The following TMPRSS15 variants were observed in gnomAD, a reference collection of about 807,000 sequenced individuals.
TMPRSS15 encodes the protein transmembrane serine protease 15.
In TMPRSS15, 128 loss-of-function variants were observed where a neutral mutation model predicts 125.3. That is an observed-to-expected ratio of 1.02 (90% CI 0.89 to 1.18). The LOEUF (loss-of-function observed/expected upper bound fraction) is 1.18, where lower values mean the gene tolerates loss of function less well. TMPRSS15 is among the 50% of genes most tolerant of loss of function. TMPRSS15 has a pLI of 0.00. For missense variants in TMPRSS15, 1,283 were observed against 1,212.7 expected, an observed-to-expected ratio of 1.06 and a Z score of -0.86; for synonymous variants, 446 against 423.2, an observed-to-expected ratio of 1.05 and a Z score of -0.66.
chr21:18,473,643 G>A (rs1978821519), intron 1 of TMPRSS15, among the ~76,000 whole-genome samples: 1 of 152,022 alleles, frequency 6.6e-6, no homozygotes, highest in Non-Finnish European at 1.5e-5. Context: ...GATTCTTATA[G>A]CAGCTCTAGG....
intron 1 of TMPRSS15, among the ~76,000 whole-genome samples, chr21:18,465,439 G>A (rs9974525): frequency 6.6e-6 from 1 of 152,002 alleles, no homozygotes; most frequent in Non-Finnish European, 1.5e-5. Flanking sequence ...AGGAATAAAG[G>A]GTATTCAAAT....
At chr21:18,277,912 C>T (rs539274296) in intron 23 of TMPRSS15, among the ~76,000 whole-genome samples, 1 of 152,042 alleles carries the variant, frequency 6.6e-6, no homozygotes, top group African/African-American at 2.4e-5. Flanking sequence ...AGCCAATGAG[C>T]CTTGTGGTTA....
intron 7 of TMPRSS15, among the ~76,000 whole-genome samples, chr21:18,360,821 C>T (rs1033447040): frequency 1.3e-5 from 2 of 151,894 alleles, no homozygotes; most frequent in Admixed American, 1.3e-4. Context: ...AAAAAACCTC[C>T]ATTGGTATTT....
intron 21 of TMPRSS15, among the ~76,000 whole-genome samples, chr21:18,292,130 G>GT (rs1275887822): frequency 2.0e-5 from 3 of 152,172 alleles, no homozygotes; most frequent in Non-Finnish European, 4.4e-5. Context: ...ATGCTTTGAT[G>GT]TACTTACACA....
At chr21:18,471,570 G>A (rs1252411797) in intron 1 of TMPRSS15, among the ~76,000 whole-genome samples, 1 of 151,970 alleles carries the variant, frequency 6.6e-6, no homozygotes, top group African/African-American at 2.4e-5. Flanking sequence ...CAGAAATAAG[G>A]ATACCTCAAA....
chr21:18,429,596 C>T (rs1162636918), intron 1 of TMPRSS15, among the ~76,000 whole-genome samples: 4 of 152,144 alleles, frequency 2.6e-5, no homozygotes, highest in Non-Finnish European at 4.4e-5. Flanking sequence ...TTTGTGTCTT[C>T]ATCATTTTCT....
intron 3 of TMPRSS15, among the ~76,000 whole-genome samples, chr21:18,389,195 GGAAA>G (rs1292063396): frequency 7.1e-6 from 1 of 141,440 alleles, no homozygotes; most frequent in Non-Finnish European, 1.5e-5. Context: ...AAGGAAGGAA[GGAAA>G]GAAAGAAAAG....
intron 1 of TMPRSS15, among the ~76,000 whole-genome samples, chr21:18,466,824 G>T (rs1978672414): frequency 6.6e-6 from 1 of 152,174 alleles, no homozygotes; most frequent in South Asian, 2.1e-4. Context: ...GTGTAAATTA[G>T]TTCAACCATT....
chr21:18,281,824 G>A (rs2074701776), intron 21 of TMPRSS15, among the ~76,000 whole-genome samples: 2 of 152,000 alleles, frequency 1.3e-5, no homozygotes, highest in African/African-American at 2.4e-5. Context: ...CAAGCCAGGC[G>A]CGGTGGCTCA....
chr21:18,383,411 T>C (rs1235062079), intron 4 of TMPRSS15, among the ~76,000 whole-genome samples: 1 of 152,090 alleles, frequency 6.6e-6, no homozygotes, highest in Non-Finnish European at 1.5e-5. Flanking sequence ...TCTCAGAATC[T>C]CCTTGATATT....
chr21:18,343,665 G>T lies in TMPRSS15; in HGVS notation c.1278-9C>A. ...CACCATACATATGATACCTAGTTTG[G>T]AAAGAAGCAAAAATGTTTGGATTCC... On this transcript the variant is annotated splice_polypyrimidine_tract_variant and intron_variant, in intron 11 of 24. Coordinates refer to ENST00000284885, the MANE Select transcript of TMPRSS15 (RefSeq NM_002772.3). The T allele has an allele frequency of 1.2e-6, 2 of 1,612,676 alleles. No individual in the cohort carries two copies. The highest frequency in any genetic ancestry group is 8.5e-7 in the Non-Finnish European group (1 of 1,179,264).
At chr21:18,294,841 C>T (rs1417715785) in intron 19 of TMPRSS15, among the ~76,000 whole-genome samples, 189 bp from the exon 20 acceptor site, 1 of 152,156 alleles carries the variant, frequency 6.6e-6, no homozygotes, top group East Asian at 1.9e-4. Flanking sequence ...GAGTTTGCAT[C>T]CTTATTCTAC....
intron 19 of TMPRSS15, among the ~76,000 whole-genome samples, chr21:18,297,483 A>ATTTG (rs2074919870): frequency 6.6e-6 from 1 of 152,200 alleles, no homozygotes; most frequent in Non-Finnish European, 1.5e-5. Context: ...AAACATGTCA[A>ATTTG]ATCCCTATGA....
At chr21:18,479,186 C>T (rs1412819020) in intron 1 of TMPRSS15, among the ~76,000 whole-genome samples, 1 of 151,874 alleles carries the variant, frequency 6.6e-6, no homozygotes, top group African/African-American at 2.4e-5. Flanking sequence ...AGATTTCTTT[C>T]TGCATAATAC....
chr21:18,384,501 A>C (rs542648984), intron 3 of TMPRSS15, among the ~76,000 whole-genome samples: 1 of 152,238 alleles, frequency 6.6e-6, no homozygotes, highest in African/African-American at 2.4e-5. Context: ...CCTGCTCTGT[A>C]CCATGCATTT....
chr21:18,293,136 G>T (rs1168650226), intron 21 of TMPRSS15, among the ~76,000 whole-genome samples: 1 of 152,102 alleles, frequency 6.6e-6, no homozygotes, highest in Non-Finnish European at 1.5e-5. Flanking sequence ...TGGGTATTTA[G>T]GCATAAGTGC....
At chr21:18,474,359 T>C (rs1406169212) in intron 1 of TMPRSS15, among the ~76,000 whole-genome samples, 1 of 151,922 alleles carries the variant, frequency 6.6e-6, no homozygotes. Context: ...GGCTCAATCT[T>C]TGCTCACTGC....
intron 1 of TMPRSS15, among the ~76,000 whole-genome samples, chr21:18,468,656 G>A (rs1978716100): frequency 6.6e-6 from 1 of 152,070 alleles, no homozygotes; most frequent in Non-Finnish European, 1.5e-5. Context: ...ATGAACCACA[G>A]CTTCAAAAAC....
At chr21:18,482,135 T>C (rs9982371) in intron 1 of TMPRSS15, among the ~76,000 whole-genome samples, 3,468 of 149,792 alleles carry the variant, frequency 0.023, 154 homozygotes, top group African/African-American at 0.079. Context: ...TATTGCTTCA[T>C]TTTTTTCATT....
Sources: gnomAD v4.1 joint callset for allele counts (sites outside exome capture counted in the v4.1 genomes callset) on GRCh38, gnomAD v4.1.1 for gene constraint, MANE v1.5 for transcripts, NCBI Gene and HGNC (gene_info 2026-07-23, HGNC 2026-07-21) for gene names.